The following KHDRBS2 variants were observed in gnomAD, a reference collection of about 807,000 sequenced individuals.
KHDRBS2 encodes the protein KH domain-containing, RNA-binding, signal transduction-associated protein 2.
Under a neutral mutation model 44.3 loss-of-function variants are expected in KHDRBS2, and 26 were observed. The ratio of observed to expected loss-of-function variants is 0.59; its 90% CI spans 0.43 to 0.81. The LOEUF (loss-of-function observed/expected upper bound fraction) is 0.81, where lower values mean the gene tolerates loss of function less well. Ranked by LOEUF, KHDRBS2 falls within the 40% of genes least tolerant of loss-of-function variation. KHDRBS2 has a pLI of 0.00. For synonymous variants in KHDRBS2, 194 were observed against 151.1 expected (o/e 1.28, Z -2.08); for missense variants, 476 against 433.1 (o/e 1.10, Z -0.88).
the KHDRBS2 span, among the ~76,000 whole-genome samples, chr6:61,580,586 G>T: frequency 2.6e-5 from 4 of 152,152 alleles, no homozygotes; most frequent in Non-Finnish European, 5.9e-5. Context: ...CTCAGGGTGA[G>T]AGTCTGTGGC....
intron 4 of KHDRBS2, among the ~76,000 whole-genome samples, chr6:61,955,945 C>A (rs185086778): frequency 9.2e-5 from 14 of 152,092 alleles, no homozygotes; most frequent in Non-Finnish European, 1.8e-4. Context: ...AGCAAAGGAG[C>A]AAGAATTTGA....
chr6:62,103,615 G>A (rs187111789), intron 2 of KHDRBS2, among the ~76,000 whole-genome samples: 222 of 142,656 alleles, frequency 1.6e-3, no homozygotes, highest in Middle Eastern at 8.0e-3. Context: ...AAGCAGCTGC[G>A]CCCAGGAGCG....
chr6:61,569,662 C>G, the KHDRBS2 span, among the ~76,000 whole-genome samples: 1 of 152,202 alleles, frequency 6.6e-6, no homozygotes, highest in African/African-American at 2.4e-5. Flanking sequence ...AAGACTTCCA[C>G]AGAGTCCATG....
At chr6:61,731,289 T>C (rs1174001634) in intron 7 of KHDRBS2, among the ~76,000 whole-genome samples, 4 of 152,202 alleles carry the variant, frequency 2.6e-5, no homozygotes, top group Non-Finnish European at 4.4e-5. Context: ...TTTTCCAATA[T>C]GTAATTGGGA....
chr6:61,656,212 AGT>A, the KHDRBS2 span, among the ~76,000 whole-genome samples: 2 of 152,074 alleles, frequency 1.3e-5, no homozygotes, highest in African/African-American at 2.4e-5. Flanking sequence ...GAATTTAGGC[AGT>A]CTTTTAAGAG....
At chr6:61,694,369 C>A (rs1475200260) in intron 8 of KHDRBS2, among the ~76,000 whole-genome samples, 2 of 152,144 alleles carry the variant, frequency 1.3e-5, no homozygotes, top group Non-Finnish European at 2.9e-5. Context: ...GTAAGTTTCT[C>A]AACACCAAAT....
chr6:62,231,142 G>C (rs1217965291), intron 1 of KHDRBS2, among the ~76,000 whole-genome samples: 1 of 152,116 alleles, frequency 6.6e-6, no homozygotes. Flanking sequence ...CTGTCTCATA[G>C]TCAATCACTT....
At chr6:61,797,725 TTGTG>T (rs56038952) in intron 6 of KHDRBS2, among the ~76,000 whole-genome samples, 21,189 of 114,626 alleles carry the variant, frequency 0.18, 1,966 homozygotes, top group East Asian at 0.34. Flanking sequence ...GTATGGTGTT[TTGTG>T]TGTGTGTGTG....
intron 2 of KHDRBS2, among the ~76,000 whole-genome samples, chr6:62,113,438 A>G (rs1049563799): frequency 6.6e-6 from 1 of 152,174 alleles, no homozygotes; most frequent in African/African-American, 2.4e-5. Context: ...AAATCATTTT[A>G]GAGCCAGGTA....
chr6:61,977,879 G>A (rs1369502479), intron 4 of KHDRBS2, among the ~76,000 whole-genome samples, 187 bp downstream of exon 4: 1 of 152,104 alleles, frequency 6.6e-6, no homozygotes, highest in Admixed American at 6.6e-5. Context: ...TCACTATATG[G>A]CAACACGCCA....
intron 1 of KHDRBS2, among the ~76,000 whole-genome samples, chr6:62,188,051 G>T (rs1312003481): frequency 6.6e-6 from 1 of 151,848 alleles, no homozygotes; most frequent in Non-Finnish European, 1.5e-5. Flanking sequence ...GAGGGACCAG[G>T]CTGCTTTAAA....
chr6:61,977,999 G>C, intron 4 of KHDRBS2, 67 bp downstream of exon 4: 1 of 1,310,038 alleles, frequency 7.6e-7, no homozygotes, highest in Non-Finnish European at 1.1e-6. Context: ...AGTCAGTGAA[G>C]ATCAAAGGTG....
chr6:62,228,726 G>A (rs879856831), intron 1 of KHDRBS2, among the ~76,000 whole-genome samples: 101 of 152,032 alleles, frequency 6.6e-4, no homozygotes, highest in Non-Finnish European at 7.2e-4. Flanking sequence ...AATCTGGTAT[G>A]TTGTCTCTTT....
At chr6:61,993,733 T>C (rs1358459921) in intron 3 of KHDRBS2, among the ~76,000 whole-genome samples, 1 of 147,084 alleles carries the variant, frequency 6.8e-6, no homozygotes, top group Non-Finnish European at 1.5e-5. Context: ...CTAACATTGC[T>C]ATAGCTCTGA....
chr6:61,929,093 A>G (rs578117588), intron 4 of KHDRBS2, among the ~76,000 whole-genome samples: 1 of 152,256 alleles, frequency 6.6e-6, no homozygotes, highest in East Asian at 1.9e-4. Flanking sequence ...AAATTGGGCA[A>G]GGAAGTACAA....
At chr6:62,255,724 T>C (rs2150178026) in intron 1 of KHDRBS2, among the ~76,000 whole-genome samples, 1 of 151,984 alleles carries the variant, frequency 6.6e-6, no homozygotes, top group East Asian at 1.9e-4. Context: ...TGTTATATCC[T>C]GGTACTCCAT....
At chr6:61,873,779 G>A (rs911962418) in intron 6 of KHDRBS2, among the ~76,000 whole-genome samples, 68 of 152,078 alleles carry the variant, frequency 4.5e-4, no homozygotes, top group African/African-American at 1.6e-3. Context: ...TGCATAGTAT[G>A]AGTCTCTTCT....
intron 3 of KHDRBS2, among the ~76,000 whole-genome samples, chr6:62,030,980 C>T (rs548211309): frequency 5.9e-5 from 9 of 152,096 alleles, no homozygotes; most frequent in African/African-American, 1.9e-4. Flanking sequence ...TACTGACATA[C>T]ACAACAACAG....
the KHDRBS2 span, among the ~76,000 whole-genome samples, chr6:61,554,856 A>G: frequency 1.3e-5 from 2 of 152,168 alleles, no homozygotes; most frequent in Admixed American, 6.5e-5. Flanking sequence ...TCTGGCTTAT[A>G]GGATTTCTGC....
Sources: gnomAD v4.1 joint callset for allele counts (sites outside exome capture counted in the v4.1 genomes callset) on GRCh38, gnomAD v4.1.1 for gene constraint, MANE v1.5 for transcripts, NCBI Gene and HGNC (gene_info 2026-07-23, HGNC 2026-07-21) for gene names.